SUPT3H: variants seen among roughly 807,000 people sequenced by gnomAD.
SUPT3H encodes SPT3 homolog, SAGA and STAGA complex component, also known as transcription initiation protein SPT3 homolog.
In SUPT3H, 44 loss-of-function variants were observed where a neutral mutation model predicts 44.3. That is an observed-to-expected ratio of 0.99 (90% CI 0.78 to 1.28). SUPT3H has a LOEUF of 1.28. Ranked by LOEUF, SUPT3H falls within the 50% of genes most tolerant of loss-of-function variation. The pLI, the probability that SUPT3H is intolerant of heterozygous loss-of-function variation, is 0.00. For synonymous variants in SUPT3H, 124 were observed against 125.6 expected (o/e 0.99, Z 0.09); for missense variants, 380 against 387.1 (o/e 0.98, Z 0.15).
chr6:44,951,072 A>T (rs1774231786), intron 9 of SUPT3H, among the ~76,000 whole-genome samples: 2 of 151,878 alleles, frequency 1.3e-5, no homozygotes, highest in South Asian at 4.2e-4. Context: ...AATGAACCTT[A>T]ATCCTTGAAT....
chr6:45,112,043 A>G (rs924713501), intron 2 of SUPT3H, among the ~76,000 whole-genome samples: 2 of 152,224 alleles, frequency 1.3e-5, no homozygotes, highest in Admixed American at 6.5e-5. Context: ...TACTGCAATG[A>G]GCAGGTAACT....
intron 3 of SUPT3H, among the ~76,000 whole-genome samples, chr6:45,027,243 G>T (rs898725832): frequency 1.3e-5 from 2 of 151,930 alleles, no homozygotes; most frequent in African/African-American, 4.8e-5. Context: ...TGCCCACTTT[G>T]GTGTCCCAAA....
intron 2 of SUPT3H, among the ~76,000 whole-genome samples, chr6:45,132,064 C>G (rs1262343259): frequency 6.6e-6 from 1 of 152,120 alleles, no homozygotes; most frequent in East Asian, 1.9e-4. Flanking sequence ...CAGAACAGTA[C>G]ATTATTTAAG....
chr6:45,017,661 T>C (rs1784500259), intron 4 of SUPT3H, among the ~76,000 whole-genome samples: 1 of 149,936 alleles, frequency 6.7e-6, no homozygotes, highest in Non-Finnish European at 1.5e-5. Context: ...GTTGTAGATA[T>C]GCAGCGTTAT....
At chr6:44,876,616 C>A (rs1272371243) in intron 10 of SUPT3H, among the ~76,000 whole-genome samples, 1 of 147,220 alleles carries the variant, frequency 6.8e-6, no homozygotes, top group African/African-American at 2.5e-5. Context: ...AACTAACCTG[C>A]ACAATGTGCA....
rs1420508318 is a variant in SUPT3H, at chr6:44,887,099, A to T, written c.912+45554T>A. 5.9e-5 allele frequency among the ~76,000 whole-genome samples: 9 copies of T among 152,342 alleles called. No individual in the cohort carries two copies. The South Asian group carries it at 6.2e-4, about 11-fold the overall frequency. On this transcript the variant is annotated intron_variant, in intron 10 of 10. Coordinates refer to ENST00000371459, the MANE Select transcript of SUPT3H (RefSeq NM_003599.4). ...TAAATATATATGCACCCAAGACAGGAGCACCCAGTTTCATAAAGCAAGTCC... is the reference window on the plus strand; with the variant it reads ...TAAATATATATGCACCCAAGACAGGTGCACCCAGTTTCATAAAGCAAGTCC...
intron 10 of SUPT3H, among the ~76,000 whole-genome samples, chr6:44,900,713 C>A (rs1489704131): frequency 6.6e-6 from 1 of 152,178 alleles, no homozygotes; most frequent in African/African-American, 2.4e-5. Context: ...TGAGAACCGA[C>A]AGACTGCCTC....
intron 2 of SUPT3H, among the ~76,000 whole-genome samples, chr6:45,140,327 T>G (rs1215870748): frequency 6.6e-6 from 1 of 152,070 alleles, no homozygotes; most frequent in African/African-American, 2.4e-5. Context: ...TTTGGGAGCT[T>G]TATGGCCCCA....
intron 2 of SUPT3H, chr6:45,159,351 T>G (rs1190871601): frequency 6.6e-6 from 1 of 152,194 alleles, no homozygotes; most frequent in Non-Finnish European, 1.5e-5. Flanking sequence ...CTATTCGAAA[T>G]TACTTAATTG....
At chr6:45,266,146 T>C (rs1373081967) in intron 2 of SUPT3H, among the ~76,000 whole-genome samples, 1 of 126,320 alleles carries the variant, frequency 7.9e-6, no homozygotes, top group African/African-American at 3.2e-5. Context: ...TGAAAACTTA[T>C]AAACGTAACC....
chr6:45,288,601 A>C (rs868126800), intron 2 of SUPT3H, among the ~76,000 whole-genome samples: 587 of 29,516 alleles, frequency 0.02, 13 homozygotes, highest in Non-Finnish European at 0.038. Flanking sequence ...ATATATGTGT[A>C]TATATATATA....
intron 3 of SUPT3H, among the ~76,000 whole-genome samples, chr6:45,060,422 C>T (rs1562362613): frequency 6.6e-6 from 1 of 152,004 alleles, no homozygotes. Context: ...CTGTACCCTT[C>T]CCTTACACCT....
At chr6:45,210,657 GCTGT>G (rs780138484) in intron 2 of SUPT3H, among the ~76,000 whole-genome samples, 19 of 152,140 alleles carry the variant, frequency 1.2e-4, no homozygotes, top group Non-Finnish European at 2.2e-4. Context: ...ACTTCCTGAG[GCTGT>G]CTCATGGGTG....
Position 45,161,151 on chromosome 6 carries a change from G to A in SUPT3H, c.102-55145C>T, listed in dbSNP as rs533421287. On this transcript the variant is annotated intron_variant, in intron 2 of 10. Transcript: ENST00000371459. ...GAGGTTTCCCCAGAAGCAGATGCCA[G>A]CACCATGCTTCCTGTACAGCCTGTA... Among the ~76,000 whole-genome samples, 19 of 152,224 alleles carry A rather than the reference G, an allele frequency of 1.2e-4. No individual in the cohort carries two copies. The East Asian group carries it at 3.7e-3, about 29-fold the overall frequency.
chr6:45,073,762 G>A (rs1169712356), intron 3 of SUPT3H, among the ~76,000 whole-genome samples: 2 of 151,908 alleles, frequency 1.3e-5, no homozygotes, highest in African/African-American at 2.4e-5. Context: ...ACTGAAGTTC[G>A]TTTCTTTACT....
chr6:44,848,158 C>A (rs1308162958), intron 10 of SUPT3H, among the ~76,000 whole-genome samples: 1 of 147,448 alleles, frequency 6.8e-6, no homozygotes, highest in Non-Finnish European at 1.5e-5. Context: ...TTAGTAGAGA[C>A]GGGGTTTCAC....
intron 2 of SUPT3H, among the ~76,000 whole-genome samples, chr6:45,222,731 A>G (rs1766268619): frequency 1.3e-5 from 2 of 152,148 alleles, no homozygotes; most frequent in East Asian, 3.8e-4. Flanking sequence ...TGTTCACGCA[A>G]AATTCTGTAT....
intron 3 of SUPT3H, among the ~76,000 whole-genome samples, chr6:45,030,483 G>C (rs1786743766): frequency 6.6e-6 from 1 of 152,138 alleles, no homozygotes; most frequent in African/African-American, 2.4e-5. Context: ...ACATGTAAGA[G>C]ACTGAATTTC....
At chr6:45,100,708 T>C (rs1798452184) in intron 3 of SUPT3H, among the ~76,000 whole-genome samples, 2 of 152,054 alleles carry the variant, frequency 1.3e-5, no homozygotes, top group South Asian at 4.1e-4. Context: ...TAATTAATAA[T>C]ACCAAATGCT....
Sources: allele counts gnomAD v4.1 joint callset (sites outside exome capture counted in the v4.1 genomes callset), GRCh38; gene constraint gnomAD v4.1.1; transcripts MANE v1.5; gene names NCBI Gene and HGNC (gene_info 2026-07-23, HGNC 2026-07-21).